The following PSD3 variants were observed in gnomAD, a reference collection of about 807,000 sequenced individuals.
The protein encoded by PSD3 is pleckstrin and Sec7 domain containing 3, also known as PH and SEC7 domain-containing protein 3.
In PSD3, 49 loss-of-function variants were observed where a neutral mutation model predicts 105.5. The observed-to-expected ratio is 0.46, with a 90% CI of 0.37 to 0.59. PSD3 has a LOEUF of 0.59. PSD3 is among the 20% of genes least tolerant of loss of function. PSD3 has a pLI of 0.00. For synonymous variants in PSD3, 557 were observed against 457.8 expected, an observed-to-expected ratio of 1.22 and a Z score of -2.77; for missense variants, 1,561 against 1,263.8, an observed-to-expected ratio of 1.24 and a Z score of -3.57.
At position 18,872,021 on chromosome 8, in the gene PSD3, T is replaced by C. The variant is rs1446515416; in HGVS notation, c.843A>G (p.Pro281=). 1.9e-6 allele frequency: 3 copies of C among 1,614,014 alleles called. No homozygotes were observed. Among genetic ancestry groups the C allele is most frequent in the African/African-American group, 2.7e-5 (2 of 74,920 alleles). ...EQRSALGREH[P]GGCDRSSSMG... ...TGGAGCTGCTTCGATCACATCCCCC[T>C]GGGTGCTCTCTCCCAAGAGCAGACC... is the stretch of plus-strand genomic sequence containing the variant. Residue 281 remains proline, a synonymous_variant, in exon 3 of 16, where the codon CCA becomes CCG. Transcript: ENST00000327040.
At position 18,872,212 on chromosome 8, in the gene PSD3, T is replaced by A; in HGVS notation, c.652A>T (p.Thr218Ser). Residue 218 changes from threonine (T) to serine (S), a missense_variant, in exon 3 of 16, where the codon ACC (threonine) becomes TCC (serine). By Grantham distance (58) the Thr-to-Ser change is moderately conservative. Transcript: ENST00000327040. ...SFYLSIQKDL[T>S]ALLTGDTQAE... ...TGAGTGTCTCCAGTTAACAGCGCGG[T>A]GAGATCTTTCTGGATGCTCAAATAA... 1.9e-6 allele frequency: 3 copies of A among 1,614,210 alleles called. No individual in the cohort carries two copies. The highest frequency in any genetic ancestry group is 2.5e-6 in the Non-Finnish European group (3 of 1,180,028).
intron 1 of PSD3, among the ~76,000 whole-genome samples, chr8:19,074,233 G>A (rs1023616425): frequency 1.2e-4 from 18 of 152,112 alleles, no homozygotes; most frequent in Non-Finnish European, 2.4e-4. Flanking sequence ...GGCTTGGATC[G>A]AGTTTACAGA....
intron 15 of PSD3, among the ~76,000 whole-genome samples, chr8:18,539,235 G>C (rs1800010619): frequency 6.6e-6 from 1 of 152,174 alleles, no homozygotes; most frequent in Non-Finnish European, 1.5e-5. Context: ...CAGAGGATTT[G>C]AGGACAAAAT....
At chr8:18,675,652 G>A (rs1200370251) in intron 9 of PSD3, among the ~76,000 whole-genome samples, 1 of 152,070 alleles carries the variant, frequency 6.6e-6, no homozygotes, top group African/African-American at 2.4e-5. Flanking sequence ...TGATCTACGT[G>A]TCCAAACAGG....
At chr8:18,590,281 C>T (rs1803500447) in intron 12 of PSD3, among the ~76,000 whole-genome samples, 1 of 152,058 alleles carries the variant, frequency 6.6e-6, no homozygotes, top group Non-Finnish European at 1.5e-5. Flanking sequence ...TGCAAGCGTG[C>T]ATACCATGAG....
chr8:18,896,508 G>A (rs1425229443), intron 2 of PSD3, among the ~76,000 whole-genome samples: 1 of 152,080 alleles, frequency 6.6e-6, no homozygotes, highest in Non-Finnish European at 1.5e-5. Context: ...TGACCCCCTG[G>A]GATCAAGTGA....
At chr8:18,657,095 G>A (rs2130858638) in intron 9 of PSD3, among the ~76,000 whole-genome samples, 1 of 152,274 alleles carries the variant, frequency 6.6e-6, no homozygotes, top group African/African-American at 2.4e-5. Flanking sequence ...TAGAAAAAAG[G>A]GGGATCACAT....
chr8:18,560,749 C>T (rs138471259), intron 14 of PSD3, among the ~76,000 whole-genome samples: 149 of 152,208 alleles, frequency 9.8e-4, no homozygotes, highest in African/African-American at 3.4e-3. Context: ...CAAAACAATA[C>T]AATAGCAAGA....
At chr8:19,042,238 A>T (rs1357972096) in intron 1 of PSD3, among the ~76,000 whole-genome samples, 1 of 152,144 alleles carries the variant, frequency 6.6e-6, no homozygotes, top group Non-Finnish European at 1.5e-5. Context: ...TTTCTTAAGG[A>T]TATCAAATGC....
At chr8:18,628,179 A>G (rs1283158775) in intron 11 of PSD3, among the ~76,000 whole-genome samples, 2 of 151,962 alleles carry the variant, frequency 1.3e-5, no homozygotes, top group Admixed American at 6.6e-5. Context: ...ACAGGAGTGG[A>G]GGCTTTAAGA....
At chr8:18,838,207 C>T (rs1814292113) in intron 4 of PSD3, among the ~76,000 whole-genome samples, 2 of 152,160 alleles carry the variant, frequency 1.3e-5, no homozygotes. Context: ...CAATATTCTG[C>T]CAATGACAGT....
At chr8:18,629,984 G>A (rs1162740550) in intron 11 of PSD3, among the ~76,000 whole-genome samples, 1 of 151,812 alleles carries the variant, frequency 6.6e-6, no homozygotes, top group African/African-American at 2.4e-5. Context: ...AAAGGCAGCT[G>A]AAACTTCCAC....
intron 2 of PSD3, among the ~76,000 whole-genome samples, chr8:18,893,242 G>A (rs1373886295): frequency 6.6e-6 from 1 of 152,138 alleles, no homozygotes; most frequent in Non-Finnish European, 1.5e-5. Flanking sequence ...GGAGCAGGAA[G>A]CAAACAGAGG....
intron 14 of PSD3, among the ~76,000 whole-genome samples, chr8:18,559,313 T>C (rs943523377): frequency 6.6e-6 from 1 of 152,230 alleles, no homozygotes; most frequent in African/African-American, 2.4e-5. Flanking sequence ...GCTAATTTCA[T>C]AGGTAAGAAA....
intron 11 of PSD3, 79 bp downstream of exon 11, chr8:18,632,533 AC>A (rs1806976848): frequency 1.4e-6 from 2 of 1,442,338 alleles, no homozygotes; most frequent in South Asian, 2.5e-5. Context: ...TTCATCCTTG[AC>A]TTTCAGATAA....
intron 2 of PSD3, among the ~76,000 whole-genome samples, chr8:18,906,678 T>G (rs1385829943): frequency 6.6e-6 from 1 of 152,166 alleles, no homozygotes; most frequent in African/African-American, 2.4e-5. Context: ...TAAGAAAAAT[T>G]AGCATAAGAA....
At chr8:18,780,261 T>C (rs895702975) in intron 8 of PSD3, among the ~76,000 whole-genome samples, 2 of 152,228 alleles carry the variant, frequency 1.3e-5, no homozygotes, top group African/African-American at 4.8e-5. Flanking sequence ...TCTGTTTGCA[T>C]GGATTATCTT....
At chr8:18,731,163 G>A (rs1803720267) in intron 9 of PSD3, among the ~76,000 whole-genome samples, 1 of 152,138 alleles carries the variant, frequency 6.6e-6, no homozygotes, top group South Asian at 2.1e-4. Context: ...GCCTGAGGCA[G>A]GAGAATCGCT....
At chr8:19,029,339 C>T (rs911373879) in intron 1 of PSD3, among the ~76,000 whole-genome samples, 5 of 152,126 alleles carry the variant, frequency 3.3e-5, no homozygotes, top group African/African-American at 4.8e-5. Flanking sequence ...AAGCAATGTT[C>T]TACAGTTTTC....
Sources: allele counts gnomAD v4.1 joint callset (sites outside exome capture counted in the v4.1 genomes callset), GRCh38; gene constraint gnomAD v4.1.1; transcripts MANE v1.5; gene names NCBI Gene and HGNC (gene_info 2026-07-23, HGNC 2026-07-21).